The following SMAD2 variants were observed in gnomAD, a reference collection of about 807,000 sequenced individuals.
The protein encoded by SMAD2 is SMAD family member 2.
A neutral mutation model predicts 64.4 loss-of-function variants in SMAD2; 8 were observed. The ratio of observed to expected loss-of-function variants is 0.12; its 90% CI spans 0.07 to 0.22. SMAD2 has a LOEUF of 0.22. Among genes scored for constraint, SMAD2 ranks in the 10% least tolerant of loss-of-function variants. The probability of loss-of-function intolerance (pLI) is 1.00; values close to 1 mark genes in which losing one functional copy is unlikely to be tolerated. For missense variants in SMAD2, 289 were observed against 561.2 expected, an observed-to-expected ratio of 0.51 and a Z score of 4.90; for synonymous variants, 203 against 195.8, an observed-to-expected ratio of 1.04 and a Z score of -0.31.
In SMAD2 at chr18:47,844,712, A is replaced by C. The variant is rs575214634; in HGVS notation, c.1280+628T>G. On this transcript the variant is annotated intron_variant, in intron 10 of 10. Transcript: ENST00000262160. ...TTAGTTTGAACCATGTGTTACCTGC[A>C]ACGATGGCAATTTCATATATTTCAA... Among the ~76,000 whole-genome samples the C allele has an allele frequency of 1.2e-4, 19 of 152,322 alleles. No homozygotes were observed. The South Asian group carries it at 3.7e-3, about 30-fold the overall frequency.
chr18:47,896,753 A>T lies in SMAD2; in HGVS notation c.4T>A (p.Ser2Thr). 6.2e-7 allele frequency: 1 copy of T among 1,613,750 alleles called. No homozygotes were observed. Among genetic ancestry groups the T allele is most frequent in the Non-Finnish European group, 8.5e-7 (1 of 1,179,866 alleles). Reference protein sequence around the residue: MSSILPFTPPVV... With the variant: MTSILPFTPPVV... The stretch of plus-strand genomic sequence containing the variant: ...GGCGGCGTGAATGGCAAGATGGACG[A>T]CATGTTCTTACCAAAGGCAGCAAGC... Residue 2 changes from serine (S) to threonine (T), a missense_variant, in exon 2 of 11, where the codon TCG (serine) becomes ACG (threonine). Physicochemically the swap from Ser to Thr is moderately conservative, Grantham distance 58. This residue lies in a region of SMAD2 where 89 missense variants were observed against 137.1 expected (regional missense o/e 0.65). Transcript: ENST00000262160.
At chr18:47,848,349 G>A (rs1332226427) in intron 8 of SMAD2, 126 bp downstream of exon 8, 15 of 733,016 alleles carry the variant, frequency 2.0e-5, no homozygotes, top group East Asian at 1.3e-4. Flanking sequence ...TAAATGTGTC[G>A]GCACTTAAAC....
In SMAD2 at chr18:47,831,413, G is replaced by C. The variant is rs1912987471; in HGVS notation, c.*10414C>G. On this transcript the variant is annotated 3_prime_UTR_variant, in exon 11 of 11. Transcript: ENST00000262160. ...TCTTCCTGGACCAAACTGTTCAGAA[G>C]TTAACTTCTTTTTCCTGTCATCACA... is the stretch of plus-strand genomic sequence containing the variant. 6.6e-6 allele frequency: 1 copy of C among 152,210 alleles called. No individual in the cohort carries two copies. The highest frequency in any genetic ancestry group is 1.5e-5 in the Non-Finnish European group (1 of 68,032). 9.4% of individuals were successfully genotyped at this position (152,210 alleles called of 1,614,324 possible). A position where few individuals can be genotyped will look rare whatever the true frequency, so the allele number is the denominator to read the frequency against.
At chr18:47,882,980 T>G (rs2032695081) in intron 2 of SMAD2, among the ~76,000 whole-genome samples, 1 of 152,200 alleles carries the variant, frequency 6.6e-6, no homozygotes, top group Non-Finnish European at 1.5e-5. Flanking sequence ...TATAGGTCAT[T>G]TGTGATTGTG....
In SMAD2 at chr18:47,870,544, C is replaced by T. The variant is rs2144384717; in HGVS notation, c.257G>A (p.Gly86Glu). 6.2e-7 allele frequency: 1 copy of T among 1,613,176 alleles called. No homozygotes were observed. The highest frequency in any genetic ancestry group is 8.5e-7 in the Non-Finnish European group (1 of 1,179,298). The change falls in exon 3 of 11, where the codon GGA becomes GAA. Residue 86 changes from glycine to glutamate, a missense_variant. Gly to Glu is a moderately conservative substitution (Grantham distance 98). Around this residue, in one of 6 missense-constraint regions of SMAD2, gnomAD observed 89 missense variants for 137.1 expected, o/e 0.65. Coordinates refer to ENST00000262160, the MANE Select transcript of SMAD2 (RefSeq NM_005901.6). Reference sequence around the variant, plus strand: ...ATCTATCGTATTTGGTGTACTCAGTCCCCAAATTTCAGAGCAAGTGCTGTG... The same window carrying T: ...ATCTATCGTATTTGGTGTACTCAGTTCCCAAATTTCAGAGCAAGTGCTGTG... ...TIPSTCSEIWGLSTPNTIDQW... is the reference protein window; with the variant it reads ...TIPSTCSEIWELSTPNTIDQW...
At chr18:47,886,377 T>C (rs2032898882) in intron 2 of SMAD2, among the ~76,000 whole-genome samples, 1 of 152,226 alleles carries the variant, frequency 6.6e-6, no homozygotes. Flanking sequence ...TTTATACCTG[T>C]GGATGCAAAT....
chr18:47,929,933 T>TACAC (rs2144565084), intron 1 of SMAD2, among the ~76,000 whole-genome samples: 1 of 151,298 alleles, frequency 6.6e-6, no homozygotes, highest in East Asian at 2.0e-4. Context: ...TGTTTGTGAG[T>TACAC]ACACACAAGC....
intron 2 of SMAD2, chr18:47,895,307 C>CT (rs1158544211): frequency 1.3e-5 from 2 of 152,242 alleles, no homozygotes; most frequent in African/African-American, 4.8e-5. Flanking sequence ...GCCTAGAAGA[C>CT]TCTTCCCTCA....
chr18:47,927,932 A>C (rs1004960722), intron 1 of SMAD2, among the ~76,000 whole-genome samples: 1 of 152,144 alleles, frequency 6.6e-6, no homozygotes, highest in Non-Finnish European at 1.5e-5. Context: ...TAAATGCATA[A>C]TCTCTCATAA....
At chr18:47,924,248 CAAA>C (rs201933597) in intron 1 of SMAD2, among the ~76,000 whole-genome samples, 6 of 99,722 alleles carry the variant, frequency 6.0e-5, no homozygotes, top group East Asian at 2.7e-4. Context: ...AACTCCGTCT[CAAA>C]AAAAAAAAAA....
chr18:47,843,914 A>T (rs1914220861), intron 10 of SMAD2, among the ~76,000 whole-genome samples: 1 of 152,164 alleles, frequency 6.6e-6, no homozygotes, highest in African/African-American at 2.4e-5. Flanking sequence ...ATTCACTCTT[A>T]CTTCCACTAA....
intron 7 of SMAD2, among the ~76,000 whole-genome samples, chr18:47,850,301 TATTATGTATGTTATATAC>T: frequency 2.3e-5 from 1 of 44,372 alleles, no homozygotes; most frequent in African/African-American, 9.7e-5. Context: ...GTATAATATA[TATTATGTATGTTATATAC>T]ATATTATGTA....
intron 1 of SMAD2, among the ~76,000 whole-genome samples, chr18:47,902,545 T>C (rs1438092973): frequency 6.6e-6 from 1 of 152,032 alleles, no homozygotes; most frequent in African/African-American, 2.4e-5. Flanking sequence ...CAGGAAAAAA[T>C]AGAGAAACGT....
chr18:47,909,464 G>A (rs560483994), intron 1 of SMAD2, among the ~76,000 whole-genome samples: 5 of 152,268 alleles, frequency 3.3e-5, no homozygotes, highest in African/African-American at 4.8e-5. Context: ...CTGCCTGAAC[G>A]GGTTTTTAAT....
chr18:47,866,916 T>G (rs975336138), intron 5 of SMAD2: 1 of 152,204 alleles, frequency 6.6e-6, no homozygotes, highest in Non-Finnish European at 1.5e-5. Context: ...TGAAAGCCAC[T>G]AAACATTCTG....
At chr18:47,866,033 G>A (rs182369753) in intron 5 of SMAD2, among the ~76,000 whole-genome samples, 4 of 152,034 alleles carry the variant, frequency 2.6e-5, no homozygotes, top group South Asian at 2.1e-4. Context: ...TCAAAAGAAC[G>A]AGGCCAGGCG....
intron 2 of SMAD2, chr18:47,882,237 G>A (rs966266308): frequency 1.3e-5 from 2 of 151,816 alleles, no homozygotes; most frequent in African/African-American, 4.9e-5. Context: ...AATGTCTCAT[G>A]CAGGCTGGAG....
intron 1 of SMAD2, among the ~76,000 whole-genome samples, chr18:47,897,137 TTC>T (rs762568427): frequency 3.3e-5 from 5 of 152,172 alleles, no homozygotes; most frequent in Non-Finnish European, 7.4e-5. Flanking sequence ...TCACAAAAGG[TTC>T]TCTTACTTTT....
At chr18:47,870,667 AC>A in intron 2 of SMAD2, 103 bp from the exon 3 acceptor site, 1 of 821,394 alleles carries the variant, frequency 1.2e-6, no homozygotes. Flanking sequence ...TACTTCCTTC[AC>A]CCAGAAAATA....
Sources: gnomAD v4.1 joint callset for allele counts (sites outside exome capture counted in the v4.1 genomes callset) on GRCh38, gnomAD v4.1.1 for gene constraint, gnomAD v4.1.1 regional missense constraint, MANE v1.5 for transcripts, NCBI Gene and HGNC (gene_info 2026-07-23, HGNC 2026-07-21) for gene names.